RBFOX1: variants seen among roughly 807,000 people sequenced by gnomAD.
RBFOX1 encodes RNA binding fox-1 homolog 1, also known as RNA binding protein fox-1 homolog 1.
In RBFOX1, 8 loss-of-function variants were observed where a neutral mutation model predicts 57.7. The observed-to-expected ratio is 0.14, with a 90% confidence interval of 0.08 to 0.25. The LOEUF (loss-of-function observed/expected upper bound fraction) is 0.25, where lower values mean the gene tolerates loss of function less well. RBFOX1 is among the 10% of genes least tolerant of loss of function. The pLI is 1.00. For missense variants in RBFOX1, 611 were observed against 548.5 expected (o/e 1.11, Z -1.14); for synonymous variants, 326 against 222.4 (o/e 1.47, Z -4.15).
chr16:7,648,302 C>G (rs2064173874), intron 11 of RBFOX1, among the ~76,000 whole-genome samples: 2 of 152,124 alleles, frequency 1.3e-5, no homozygotes, highest in Admixed American at 6.5e-5. Flanking sequence ...TCACTGCAAC[C>G]TCCTCTACCT....
At chr16:5,828,276 C>G (rs1366039251) in intron 3 of RBFOX1, among the ~76,000 whole-genome samples, 1 of 152,080 alleles carries the variant, frequency 6.6e-6, no homozygotes, top group East Asian at 1.9e-4. Context: ...CATGATTTAA[C>G]TCATATATAA....
rs9936232 is a variant in RBFOX1, at chr16:6,227,395, A to G, written c.-126-89600A>G. Among the ~76,000 whole-genome samples, 453 of 152,252 alleles carry G rather than the reference A, an allele frequency of 3.0e-3. 1 individual carries two copies. The highest frequency in any genetic ancestry group is 0.011 in the African/African-American group (439 of 41,554). ...TGTTTTCTCTTGTGACCATTCTCCA[A>G]TGTTCTGTGTTTGTTAGGTGTGACA... On this transcript the variant is annotated intron_variant, in intron 1 of 15. Transcript: ENST00000550418.
intron 10 of RBFOX1, among the ~76,000 whole-genome samples, chr16:7,619,218 A>AG (rs1168940655): frequency 3.3e-5 from 5 of 152,054 alleles, no homozygotes; most frequent in African/African-American, 1.2e-4. Context: ...TTTCCTCTGG[A>AG]GAAAAAAAAA....
chr16:6,591,959 T>G (rs1197383841), intron 2 of RBFOX1, among the ~76,000 whole-genome samples: 2 of 152,244 alleles, frequency 1.3e-5, no homozygotes, highest in African/African-American at 4.8e-5. Flanking sequence ...AAGTAATATT[T>G]GATGGGTGTC....
At position 6,505,759 on chromosome 16, in the gene RBFOX1, C is replaced by T. The variant is rs376561577; in HGVS notation, c.-63-148844C>T. 9.5e-4 allele frequency among the ~76,000 whole-genome samples: 144 copies of T among 152,278 alleles called. 4 individuals carry two copies. The South Asian group carries it at 0.028, about 30-fold the overall frequency. On this transcript the variant is annotated intron_variant, in intron 2 of 15. Transcript: ENST00000550418. Reference sequence around the variant, plus strand: ...AGTCTAATGAAGGAGAAATCACATACGTAAGAGTGGTACATAAGAGAATTC... The same window carrying T: ...AGTCTAATGAAGGAGAAATCACATATGTAAGAGTGGTACATAAGAGAATTC...
At chr16:5,734,635 C>A (rs1205286841) in intron 3 of RBFOX1, among the ~76,000 whole-genome samples, 1 of 152,122 alleles carries the variant, frequency 6.6e-6, no homozygotes, top group African/African-American at 2.4e-5. Context: ...GTTCACGAGA[C>A]TGAGTGCACC....
intron 4 of RBFOX1, among the ~76,000 whole-genome samples, chr16:7,217,290 T>TTC (rs1201086313): frequency 1.8e-5 from 1 of 56,574 alleles, no homozygotes; most frequent in Non-Finnish European, 3.2e-5. Context: ...TTTCTTATTC[T>TTC]TCTTTTTTTT....
At position 7,711,551 on chromosome 16, in the gene RBFOX1, G is replaced by A. The variant is rs1354568272; in HGVS notation, c.*806G>A. Reference sequence around the variant, plus strand: ...ACTGCTGACTTTTATATTATGGGAGGGAAAAAATAACATTAATAAAAAGGT... The same window carrying A: ...ACTGCTGACTTTTATATTATGGGAGAGAAAAAATAACATTAATAAAAAGGT... On this transcript the variant is annotated 3_prime_UTR_variant, in exon 16 of 16. Transcript: ENST00000550418. 5 of 151,814 alleles carry A rather than the reference G, an allele frequency of 3.3e-5. No homozygotes were observed. The highest frequency in any genetic ancestry group is 5.9e-5 in the Non-Finnish European group (4 of 67,900). 9.4% of individuals were successfully genotyped at this position (151,814 alleles called of 1,614,324 possible).
At position 6,770,647 on chromosome 16, in the gene RBFOX1, G is replaced by T. The variant is rs1439476145; in HGVS notation, c.-16+115997G>T. Reference sequence around the variant, plus strand: ...AATCAATCTCTACTCAGAGGCTGCAGAGCCTTCCTGGGAGGAGAGAAGAGT... The same window carrying T: ...AATCAATCTCTACTCAGAGGCTGCATAGCCTTCCTGGGAGGAGAGAAGAGT... On this transcript the variant is annotated intron_variant, in intron 3 of 15. Coordinates refer to ENST00000550418, the MANE Select transcript of RBFOX1 (RefSeq NM_018723.4). Among the ~76,000 whole-genome samples, 6 of 152,036 alleles carry T rather than the reference G, an allele frequency of 3.9e-5. No homozygotes were observed. The East Asian group carries it at 5.8e-4, about 15-fold the overall frequency.
chr16:6,310,956 C>G (rs1270175818), intron 1 of RBFOX1, among the ~76,000 whole-genome samples: 1 of 150,956 alleles, frequency 6.6e-6, no homozygotes, highest in Non-Finnish European at 1.5e-5. Flanking sequence ...AAGTAGTGCA[C>G]AGGCACAGTG....
chr16:6,343,260 CTCTG>C (rs35680861), intron 2 of RBFOX1, among the ~76,000 whole-genome samples: 15,424 of 152,040 alleles, frequency 0.1, 969 homozygotes, highest in South Asian at 0.17. Context: ...ATGTAGAAAA[CTCTG>C]TCTATTAGGT....
intron 4 of RBFOX1, among the ~76,000 whole-genome samples, chr16:7,159,971 G>C (rs1015479609): frequency 3.3e-5 from 5 of 152,084 alleles, no homozygotes; most frequent in Non-Finnish European, 7.4e-5. Context: ...TTCCTTGAGG[G>C]GGGAGTTGTC....
At chr16:6,387,976 T>TA (rs2152927704) in intron 2 of RBFOX1, among the ~76,000 whole-genome samples, 1 of 136,258 alleles carries the variant, frequency 7.3e-6, no homozygotes, top group Non-Finnish European at 1.6e-5. Context: ...TGTGGAACAT[T>TA]TTTTTTTTTT....
intron 4 of RBFOX1, among the ~76,000 whole-genome samples, chr16:7,344,916 C>T (rs895498948): frequency 1.3e-5 from 2 of 152,202 alleles, no homozygotes; most frequent in African/African-American, 2.4e-5. Context: ...GATATTGTGC[C>T]GCTGTCATTT....
intron 4 of RBFOX1, among the ~76,000 whole-genome samples, chr16:7,476,624 G>C (rs555265240): frequency 6.6e-6 from 1 of 152,192 alleles, no homozygotes; most frequent in South Asian, 2.1e-4. Context: ...CATCTCCAAG[G>C]GATAAGGATG....
At chr16:7,330,607 C>T (rs868425646) in intron 4 of RBFOX1, among the ~76,000 whole-genome samples, 1 of 151,714 alleles carries the variant, frequency 6.6e-6, no homozygotes, top group Non-Finnish European at 1.5e-5. Context: ...ACCTCTTCCT[C>T]AAGTTTGCTT....
intron 4 of RBFOX1, among the ~76,000 whole-genome samples, chr16:5,889,390 C>G (rs1395269858): frequency 6.6e-6 from 1 of 152,314 alleles, no homozygotes; most frequent in Non-Finnish European, 1.5e-5. Context: ...CTGCAAAAGA[C>G]ATGCTCTCAT....
intron 2 of RBFOX1, among the ~76,000 whole-genome samples, chr16:5,516,560 G>C (rs1030325450): frequency 1.3e-5 from 2 of 152,178 alleles, no homozygotes; most frequent in African/African-American, 4.8e-5. Flanking sequence ...ACTTATTCAA[G>C]ACAGTGATTC....
intron 1 of RBFOX1, among the ~76,000 whole-genome samples, chr16:5,387,729 A>G (rs1291633284): frequency 6.6e-6 from 1 of 152,174 alleles, no homozygotes; most frequent in Non-Finnish European, 1.5e-5. Context: ...TTCACATCCT[A>G]ATCTCTGCAA....
Sources: allele counts gnomAD v4.1 joint callset (sites outside exome capture counted in the v4.1 genomes callset), GRCh38; gene constraint gnomAD v4.1.1; transcripts MANE v1.5; gene names NCBI Gene and HGNC (gene_info 2026-07-23, HGNC 2026-07-21).